Variants in LRP1B observed in about 807,000 individuals in gnomAD.
LRP1B encodes the protein LDL receptor related protein 1B.
In LRP1B, 217 loss-of-function variants were observed where a neutral mutation model predicts 556.6. That is an observed-to-expected ratio of 0.39 (90% CI 0.35 to 0.44). The LOEUF is 0.44. Ranked by LOEUF, LRP1B falls within the 20% of genes least tolerant of loss-of-function variation. The pLI is 1.00. For synonymous variants in LRP1B, 2,047 were observed against 1,865.8 expected, an observed-to-expected ratio of 1.10 and a Z score of -2.50; for missense variants, 5,053 against 5,620.8, an observed-to-expected ratio of 0.90 and a Z score of 3.23.
chr2:142,073,268 C>G (rs184107971), intron 1 of LRP1B, among the ~76,000 whole-genome samples: 8 of 151,944 alleles, frequency 5.3e-5, no homozygotes, highest in Admixed American at 4.6e-4. Context: ...GTAAAATGTA[C>G]ATGTTCTGTT....
At chr2:141,870,295 C>G (rs1028312359) in intron 1 of LRP1B, among the ~76,000 whole-genome samples, 4 of 151,888 alleles carry the variant, frequency 2.6e-5, no homozygotes, top group Non-Finnish European at 2.9e-5. Flanking sequence ...TGACTTCAGC[C>G]TGATGAGTAT....
intron 11 of LRP1B, among the ~76,000 whole-genome samples, chr2:141,035,856 G>C (rs890544281): frequency 2.6e-5 from 4 of 151,966 alleles, no homozygotes; most frequent in Non-Finnish European, 5.9e-5. Context: ...GCATCACAAG[G>C]GATTCACATA....
At chr2:141,286,835 T>A in intron 3 of LRP1B, 1 of 344,538 alleles carries the variant, frequency 2.9e-6, no homozygotes, top group Non-Finnish European at 6.3e-6. Flanking sequence ...TGGGCAATGC[T>A]GCCCAATTGA....
intron 41 of LRP1B, among the ~76,000 whole-genome samples, chr2:140,662,712 A>G (rs929072475): frequency 2.6e-5 from 4 of 152,164 alleles, no homozygotes; most frequent in African/African-American, 9.7e-5. Flanking sequence ...ATGGCAAACC[A>G]TTTTTATCTT....
At chr2:141,671,579 G>C (rs1199820348) in intron 2 of LRP1B, among the ~76,000 whole-genome samples, 1 of 152,148 alleles carries the variant, frequency 6.6e-6, no homozygotes, top group East Asian at 1.9e-4. Context: ...GGTAGTGTGA[G>C]AGTTGGAGAA....
chr2:141,800,050 C>T (rs142065005), intron 2 of LRP1B, among the ~76,000 whole-genome samples: 55 of 152,198 alleles, frequency 3.6e-4, no homozygotes, highest in African/African-American at 1.2e-3. Flanking sequence ...ATCTCTCTTT[C>T]GTCTTTGGCA....
chr2:141,314,727 T>C (rs1242446393), intron 3 of LRP1B, among the ~76,000 whole-genome samples: 2 of 148,868 alleles, frequency 1.3e-5, no homozygotes, highest in Admixed American at 1.3e-4. Flanking sequence ...GGAGACAGAG[T>C]TTGCAGTGAG....
At chr2:141,972,112 T>C (rs1701758545) in intron 1 of LRP1B, among the ~76,000 whole-genome samples, 1 of 151,724 alleles carries the variant, frequency 6.6e-6, no homozygotes, top group South Asian at 2.1e-4. Context: ...TGCAACTATG[T>C]AAACAAATAC....
intron 2 of LRP1B, among the ~76,000 whole-genome samples, chr2:141,487,318 C>G (rs1222543202): frequency 6.6e-6 from 1 of 152,144 alleles, no homozygotes; most frequent in Admixed American, 6.6e-5. Context: ...CTCACCAATG[C>G]AAACACCTGG....
chr2:142,119,318 T>C (rs1032439676), intron 1 of LRP1B, among the ~76,000 whole-genome samples: 1 of 152,172 alleles, frequency 6.6e-6, no homozygotes, highest in Non-Finnish European at 1.5e-5. Flanking sequence ...TCTTCCACAA[T>C]GCTGCAGGTC....
At chr2:141,617,050 GTAT>G (rs1169906915) in intron 2 of LRP1B, among the ~76,000 whole-genome samples, 2 of 152,122 alleles carry the variant, frequency 1.3e-5, no homozygotes, top group African/African-American at 2.4e-5. Context: ...CCTGAAGTTA[GTAT>G]TATTCAGTCC....
chr2:141,096,663 A>AGAGAGG (rs1700323821), intron 7 of LRP1B, among the ~76,000 whole-genome samples: 4 of 127,756 alleles, frequency 3.1e-5, no homozygotes, highest in Non-Finnish European at 3.3e-5. Context: ...AGAGAGAGAG[A>AGAGAGG]GAGAGAGAGA....
At chr2:141,591,909 A>G (rs998119729) in intron 2 of LRP1B, among the ~76,000 whole-genome samples, 2 of 152,166 alleles carry the variant, frequency 1.3e-5, no homozygotes, top group Non-Finnish European at 2.9e-5. Flanking sequence ...AAATAAATAC[A>G]TAGTCCAAAA....
chr2:141,692,640 G>A (rs985982423), intron 2 of LRP1B, among the ~76,000 whole-genome samples: 7 of 151,924 alleles, frequency 4.6e-5, no homozygotes, highest in African/African-American at 1.7e-4. Flanking sequence ...GTCCCTCCAA[G>A]AAGGGTATAT....
At chr2:140,996,472 T>A (rs1032122938) in intron 15 of LRP1B, among the ~76,000 whole-genome samples, 13 of 152,092 alleles carry the variant, frequency 8.5e-5, no homozygotes, top group Non-Finnish European at 5.9e-5. Flanking sequence ...ATTTGTTTTA[T>A]AATTAATTTT....
chr2:141,115,156 G>GA (rs5834809), intron 7 of LRP1B, among the ~76,000 whole-genome samples: 128,269 of 149,026 alleles, frequency 0.86, 56,168 homozygotes, highest in East Asian at 0.99. Context: ...TTTTCTGAAA[G>GA]AAAAAAAAAA....
chr2:141,653,777 T>G (rs983841330), intron 2 of LRP1B, among the ~76,000 whole-genome samples: 1 of 152,180 alleles, frequency 6.6e-6, no homozygotes, highest in South Asian at 2.1e-4. Context: ...AATCAATCAA[T>G]GAGGACTAAA....
chr2:140,325,385 G>C (rs1458430473), intron 80 of LRP1B, among the ~76,000 whole-genome samples: 3 of 152,068 alleles, frequency 2.0e-5, no homozygotes, highest in African/African-American at 7.2e-5. Context: ...GTGATATTTT[G>C]CTACATACAG....
intron 35 of LRP1B, among the ~76,000 whole-genome samples, chr2:140,730,403 C>T (rs1288037948): frequency 6.6e-6 from 1 of 152,172 alleles, no homozygotes; most frequent in African/African-American, 2.4e-5. Flanking sequence ...ATGACTAAAA[C>T]ACTTTGATCA....
Sources: gnomAD v4.1 joint callset for allele counts (sites outside exome capture counted in the v4.1 genomes callset) on GRCh38, gnomAD v4.1.1 for gene constraint, MANE v1.5 for transcripts, NCBI Gene and HGNC (gene_info 2026-07-23, HGNC 2026-07-21) for gene names.